The following SIRT2 variants were observed in gnomAD, a reference collection of about 807,000 sequenced individuals.
SIRT2 encodes NAD-dependent protein deacetylase sirtuin-2.
A neutral mutation model predicts 57.4 loss-of-function variants in SIRT2; 40 were observed. The ratio of observed to expected loss-of-function variants is 0.70; its 90% CI spans 0.54 to 0.91. SIRT2 has a LOEUF of 0.91. SIRT2 is among the 40% of genes least tolerant of loss of function. SIRT2 has a pLI of 0.00. For missense variants in SIRT2, 439 were observed against 510.4 expected (o/e 0.86, Z 1.35); for synonymous variants, 161 against 195.7 (o/e 0.82, Z 1.48).
intron 8 of SIRT2, among the ~76,000 whole-genome samples, chr19:38,886,689 T>C (rs986787064): frequency 2.0e-5 from 3 of 151,362 alleles, no homozygotes; most frequent in African/African-American, 7.3e-5. Context: ...TGGCGGAATC[T>C]TGGCTCACTG....
rs201121526 is a variant in SIRT2 at position 38,899,608 on chromosome 19, T to C, written c.-87A>G. 6 of 1,552,230 alleles carry C rather than the reference T, an allele frequency of 3.9e-6. No individual in the cohort carries two copies. The highest frequency in any genetic ancestry group is 5.3e-6 in the Non-Finnish European group (6 of 1,125,164). On this transcript the variant is annotated 5_prime_UTR_variant, in exon 1 of 16. Coordinates refer to ENST00000249396, the MANE Select transcript of SIRT2 (RefSeq NM_012237.4). ...TGTCCCGTCACCGACTGCTCTGTCC[T>C]GTCACCGACTGCTCTGTCCCGTGAC... is the stretch of plus-strand genomic sequence containing the variant.
rs199855116 is a variant in SIRT2, at chr19:38,879,289, G to A, written c.1036C>T (p.Arg346Trp). 21 of 1,613,146 alleles carry A rather than the reference G, an allele frequency of 1.3e-5. No homozygotes were observed. The highest frequency in any genetic ancestry group is 4.4e-5 in the South Asian group (4 of 91,076). ...GWKKELEDLVRREHASIDAQS... is the reference protein window; with the variant it reads ...GWKKELEDLVWREHASIDAQS... Reference sequence around the variant, plus strand: ...GCATCTATGCTGGCGTGCTCCCTCCGGACAAGGTCCTCCAGCTCCTTCTGC... The same window carrying A: ...GCATCTATGCTGGCGTGCTCCCTCCAGACAAGGTCCTCCAGCTCCTTCTGC... The change falls in exon 16 of 16, where the codon CGG becomes TGG. Residue 346 changes from arginine to tryptophan, a missense_variant. Arg to Trp is a moderately radical substitution (Grantham distance 101, BLOSUM62 -3). Coordinates refer to ENST00000249396, the MANE Select transcript of SIRT2 (RefSeq NM_012237.4).
chr19:38,889,756 G>C lies in SIRT2; in HGVS notation c.376-11C>G. On this transcript the variant is annotated splice_polypyrimidine_tract_variant and intron_variant, in intron 6 of 15. Transcript: ENST00000249396. ...GGGTTCCGGATGTTTCTGTAGGAGAGACAGCCAGAGGGCCAGATGCCCCAG... is the reference window on the plus strand; with the variant it reads ...GGGTTCCGGATGTTTCTGTAGGAGACACAGCCAGAGGGCCAGATGCCCCAG... 6.2e-7 allele frequency: 1 copy of C among 1,614,186 alleles called. No individual in the cohort carries two copies. Among genetic ancestry groups the C allele is most frequent in the Non-Finnish European group, 8.5e-7 (1 of 1,180,022 alleles).
intron 2 of SIRT2, 64 bp downstream of exon 2, chr19:38,898,315 C>T: frequency 7.8e-7 from 1 of 1,284,664 alleles, no homozygotes; most frequent in Non-Finnish European, 1.0e-6. Flanking sequence ...TGCCACCTCC[C>T]CCCAGTGTGG....
chr19:38,881,247 G>T, intron 10 of SIRT2, 92 bp from the exon 11 acceptor site: 1 of 1,343,818 alleles, frequency 7.4e-7, no homozygotes, highest in Non-Finnish European at 1.0e-6. Context: ...GGCCACAGTG[G>T]GAGTTGGGAG....
intron 8 of SIRT2, among the ~76,000 whole-genome samples, chr19:38,884,773 G>T (rs1008732831): frequency 1.3e-5 from 2 of 151,948 alleles, no homozygotes; most frequent in Non-Finnish European, 2.9e-5. Flanking sequence ...TTGAGACAAG[G>T]TCTCACTCTG....
At chr19:38,891,936 C>T (rs761645474) in intron 4 of SIRT2, 1 of 469,656 alleles carries the variant, frequency 2.1e-6, no homozygotes, top group African/African-American at 2.0e-5. Context: ...GGGCAGCAGG[C>T]CTGGCTGCCT....
intron 2 of SIRT2, among the ~76,000 whole-genome samples, chr19:38,894,575 C>T (rs1469907279): frequency 2.6e-5 from 4 of 152,088 alleles, no homozygotes; most frequent in Non-Finnish European, 4.4e-5. Context: ...GAGCGTGGGC[C>T]TGCTGTCCCT....
chr19:38,881,220 G>C, intron 10 of SIRT2, 65 bp from the exon 11 acceptor site: 2 of 1,513,736 alleles, frequency 1.3e-6, no homozygotes, highest in Non-Finnish European at 1.8e-6. Flanking sequence ...ACAGGTGGGA[G>C]CAATGGCAGA....
Position 38,878,637 on chromosome 19 carries a change from C to T in SIRT2, c.*518G>A, listed in dbSNP as rs201166076. On this transcript the variant is annotated 3_prime_UTR_variant, in exon 16 of 16. Coordinates refer to ENST00000249396, the MANE Select transcript of SIRT2 (RefSeq NM_012237.4). Reference sequence around the variant, plus strand: ...CATCCAGCATGGGAAGTGGGTCCCACGTGAAGGGGGCCCACCACCCACTTT... The same window carrying T: ...CATCCAGCATGGGAAGTGGGTCCCATGTGAAGGGGGCCCACCACCCACTTT... 1.3e-5 allele frequency: 2 copies of T among 153,198 alleles called. No homozygotes were observed. The highest frequency in any genetic ancestry group is 1.5e-5 in the Non-Finnish European group (1 of 68,640). The allele number at this position is 153,198 out of a possible 1,614,324, so 9.5% of individuals were successfully genotyped here. A position where few individuals can be genotyped will look rare whatever the true frequency, so the allele number is the denominator to read the frequency against.
chr19:38,890,103 A>C lies in SIRT2; in HGVS notation c.268T>G (p.Ser90Ala). The part of the protein sequence containing the change: ...ICLVGAGIST[S>A]AGIPDFRSPS... ...CTGCTGGGGGAGAAGGGTTACTTAC[A>C]TGTGGAGATTCCAGCTCCCACCAAA... Residue 90 changes from serine to alanine, a missense_variant and splice_region_variant, in exon 5 of 16, where the codon TCC becomes GCC. Transcript: ENST00000249396. The C allele has an allele frequency of 6.2e-7, 1 of 1,614,148 alleles. No individual in the cohort carries two copies. The highest frequency in any genetic ancestry group is 2.2e-5 in the East Asian group (1 of 44,880).
Position 38,899,466 on chromosome 19 carries a change from C to T in SIRT2, c.16+40G>A, listed in dbSNP as rs200887226. On this transcript the variant is annotated intron_variant, in intron 1 of 15. Transcript: ENST00000249396. ...GGGGCCTGCAGCATTCAGCCAGGCCCCGGCGCGGCCCGACCCTCCTACCCG... is the reference window on the plus strand; with the variant it reads ...GGGGCCTGCAGCATTCAGCCAGGCCTCGGCGCGGCCCGACCCTCCTACCCG... The T allele has an allele frequency of 1.7e-5, 27 of 1,610,852 alleles. No individual in the cohort carries two copies. In the East Asian group the frequency reaches 6.0e-4, roughly 36 times the overall value.
At chr19:38,881,340 A>G in intron 10 of SIRT2, 92 bp downstream of exon 10, 2 of 1,220,778 alleles carry the variant, frequency 1.6e-6, no homozygotes, top group Non-Finnish European at 2.4e-6. Context: ...AGGTGGCCAG[A>G]TGTGTGCGGG....
intron 2 of SIRT2, 61 bp from the exon 3 acceptor site, chr19:38,893,928 G>C: frequency 6.2e-7 from 1 of 1,608,830 alleles, no homozygotes; most frequent in Non-Finnish European, 8.5e-7. Flanking sequence ...GGAGGAGAGG[G>C]GGTGATACCA....
intron 9 of SIRT2, among the ~76,000 whole-genome samples, chr19:38,881,805 A>G (rs1478162983): frequency 6.6e-6 from 1 of 151,438 alleles, no homozygotes. Context: ...CTCCTGCCTC[A>G]GCCTCCTGAG....
intron 8 of SIRT2, among the ~76,000 whole-genome samples, chr19:38,888,123 G>T (rs1973402525): frequency 6.6e-6 from 1 of 152,148 alleles, no homozygotes; most frequent in African/African-American, 2.4e-5. Flanking sequence ...AGTGCATCAT[G>T]TCATTTCTAT....
In SIRT2 at chr19:38,887,490, C is replaced by T. The variant is rs148014728; in HGVS notation, c.501+1597G>A. On this transcript the variant is annotated intron_variant, in intron 8 of 15. Coordinates refer to ENST00000249396, the MANE Select transcript of SIRT2 (RefSeq NM_012237.4). ...CTATGTTGCCCAGGCTGGTCTTGAA[C>T]TCATGGGCTCAAGCGATCTCCCACT... Among the ~76,000 whole-genome samples, 482 of 152,202 alleles carry T rather than the reference C, an allele frequency of 3.2e-3. 3 individuals carry two copies. The highest frequency in any genetic ancestry group is 0.011 in the African/African-American group (466 of 41,512).
intron 2 of SIRT2, among the ~76,000 whole-genome samples, chr19:38,897,476 G>T (rs1175905702): frequency 2.6e-5 from 4 of 151,992 alleles, no homozygotes; most frequent in African/African-American, 7.2e-5. Context: ...CTTTGACCCA[G>T]AAAATTTTCT....
In SIRT2 at chr19:38,880,467, C is replaced by A; in HGVS notation, c.876+218G>T. 1 of 476,032 alleles carries A rather than the reference C, an allele frequency of 2.1e-6. No homozygotes were observed. 29.5% of individuals were successfully genotyped at this position (476,032 alleles called of 1,614,324 possible). Reference sequence around the variant, plus strand: ...GTCCCTGGAAGCCCGGCCTTCCTATCTGGCTTCAGCTGGTTTGAGTTGGAA... The same window carrying A: ...GTCCCTGGAAGCCCGGCCTTCCTATATGGCTTCAGCTGGTTTGAGTTGGAA... On this transcript the variant is annotated intron_variant, in intron 13 of 15. Coordinates refer to ENST00000249396, the MANE Select transcript of SIRT2 (RefSeq NM_012237.4). This position sits in a 1 kb window ranked among gnomAD's most constrained non-coding sequence, Gnocchi z 4.1.
Sources: gnomAD v4.1 joint callset for allele counts (sites outside exome capture counted in the v4.1 genomes callset) on GRCh38, gnomAD v4.1.1 for gene constraint, Gnocchi (gnomAD v3.1) non-coding constraint, MANE v1.5 for transcripts, NCBI Gene and HGNC (gene_info 2026-07-23, HGNC 2026-07-21) for gene names.